The following UNC5C variants were observed in gnomAD, a reference collection of about 807,000 sequenced individuals.
UNC5C encodes the protein unc-5 netrin receptor C.
A neutral mutation model predicts 99.8 loss-of-function variants in UNC5C; 47 were observed. That is an observed-to-expected ratio of 0.47 (90% CI 0.37 to 0.60). The LOEUF (loss-of-function observed/expected upper bound fraction) is 0.60. UNC5C is among the 20% of genes least tolerant of loss of function. The pLI, the probability that UNC5C is intolerant of heterozygous loss-of-function variation, is 0.00. For synonymous variants in UNC5C, 487 were observed against 452.2 expected, an observed-to-expected ratio of 1.08 and a Z score of -0.98; for missense variants, 1,062 against 1,165.9, an observed-to-expected ratio of 0.91 and a Z score of 1.30.
At chr4:95,544,767 CTAAAAAAAT>C (rs1426777242) in intron 1 of UNC5C, among the ~76,000 whole-genome samples, 1 of 152,132 alleles carries the variant, frequency 6.6e-6, no homozygotes, top group Non-Finnish European at 1.5e-5. Flanking sequence ...AAAAGTCAAA[CTAAAAAAAT>C]ATGTAGGCTA....
At chr4:95,180,681 C>T (rs1340588799) in intron 14 of UNC5C, among the ~76,000 whole-genome samples, 1 of 152,150 alleles carries the variant, frequency 6.6e-6, no homozygotes, top group Non-Finnish European at 1.5e-5. Context: ...ACAGGACAGG[C>T]CAAGGGCTGT....
chr4:95,418,212 C>A (rs1195022240), intron 1 of UNC5C, among the ~76,000 whole-genome samples: 1 of 152,252 alleles, frequency 6.6e-6, no homozygotes, highest in Non-Finnish European at 1.5e-5. Flanking sequence ...CATATTTTCA[C>A]AGCCTTAGTC....
At chr4:95,465,842 C>T (rs6846085) in intron 1 of UNC5C, among the ~76,000 whole-genome samples, 56,617 of 151,938 alleles carry the variant, frequency 0.37, 11,124 homozygotes, top group Admixed American at 0.44. Context: ...TGACCTTTCT[C>T]CTTTCTGCAC....
intron 11 of UNC5C, 69 bp downstream of exon 11, chr4:95,206,559 C>A: frequency 6.3e-7 from 1 of 1,597,242 alleles, no homozygotes; most frequent in Non-Finnish European, 8.5e-7. Flanking sequence ...TAAAAGGCCT[C>A]CCATAATTGC....
At chr4:95,301,962 A>G (rs1181328907) in intron 2 of UNC5C, among the ~76,000 whole-genome samples, 1 of 152,102 alleles carries the variant, frequency 6.6e-6, no homozygotes, top group Non-Finnish European at 1.5e-5. Flanking sequence ...CATCTTCTGG[A>G]TTATTCTGAG....
At chr4:95,258,743 A>AC (rs1184674099) in intron 4 of UNC5C, among the ~76,000 whole-genome samples, 1 of 85,868 alleles carries the variant, frequency 1.2e-5, no homozygotes, top group Non-Finnish European at 2.5e-5. Context: ...CGACCATCTT[A>AC]TTCTTTTTTT....
intron 12 of UNC5C, among the ~76,000 whole-genome samples, chr4:95,187,524 A>G (rs1189840205): frequency 6.6e-6 from 1 of 152,240 alleles, no homozygotes; most frequent in African/African-American, 2.4e-5. Flanking sequence ...AGGACATTGA[A>G]AAAAACCCAA....
intron 1 of UNC5C, among the ~76,000 whole-genome samples, chr4:95,435,175 C>A (rs1050186427): frequency 6.6e-6 from 1 of 152,050 alleles, no homozygotes; most frequent in Non-Finnish European, 1.5e-5. Flanking sequence ...GTGGCCCTCC[C>A]AATTCTGATA....
chr4:95,263,029 G>A (rs1740304325), intron 4 of UNC5C, among the ~76,000 whole-genome samples: 1 of 151,966 alleles, frequency 6.6e-6, no homozygotes. Context: ...TGGTCAGGCT[G>A]GTCTCGAACT....
chr4:95,292,232 CACACATAT>C (rs1426908607), intron 3 of UNC5C, among the ~76,000 whole-genome samples: 16 of 80,540 alleles, frequency 2.0e-4, no homozygotes, highest in African/African-American at 8.8e-4. Flanking sequence ...CACACACACA[CACACATAT>C]ATATATATAT....
Position 95,219,971 on chromosome 4 carries a change from G to C in UNC5C, c.1300+14C>G. On this transcript the variant is annotated intron_variant, in intron 8 of 15. Coordinates refer to ENST00000453304, the MANE Select transcript of UNC5C (RefSeq NM_003728.4). The stretch of plus-strand genomic sequence containing the variant: ...TGCATAAGTAACAGGGTGTGAAGTG[G>C]AATGTCAACTGACCTTGTCTTGCTG... The C allele has an allele frequency of 6.2e-7, 1 of 1,610,508 alleles. No homozygotes were observed. Among genetic ancestry groups the C allele is most frequent in the Middle Eastern group, 1.7e-4 (1 of 6,022 alleles).
At chr4:95,505,888 G>A (rs1721905629) in intron 1 of UNC5C, among the ~76,000 whole-genome samples, 1 of 151,994 alleles carries the variant, frequency 6.6e-6, no homozygotes, top group Admixed American at 6.6e-5. Flanking sequence ...TGTCTTTGAG[G>A]AAGACCAAGA....
chr4:95,256,703 T>C (rs879624885), intron 4 of UNC5C, among the ~76,000 whole-genome samples: 1 of 140,716 alleles, frequency 7.1e-6, no homozygotes, highest in Admixed American at 7.3e-5. Flanking sequence ...TAAATAAATA[T>C]ATATATATAT....
chr4:95,412,785 C>T (rs1433834246), intron 1 of UNC5C, among the ~76,000 whole-genome samples: 5 of 152,058 alleles, frequency 3.3e-5, no homozygotes, highest in Non-Finnish European at 7.4e-5. Flanking sequence ...TTTTTGGGTT[C>T]CCGCTGTCAA....
intron 1 of UNC5C, among the ~76,000 whole-genome samples, chr4:95,492,840 G>T (rs1263711159): frequency 6.6e-6 from 1 of 151,352 alleles, no homozygotes; most frequent in Non-Finnish European, 1.5e-5. Context: ...TGCTTTATTT[G>T]ATGTCATTTT....
chr4:95,179,973 G>GAA (rs1266723210), intron 14 of UNC5C, among the ~76,000 whole-genome samples: 1 of 149,780 alleles, frequency 6.7e-6, no homozygotes, highest in Admixed American at 6.9e-5. Context: ...ATTGATGATA[G>GAA]AAAGAAAATC....
At chr4:95,536,084 T>A (rs560611956) in intron 1 of UNC5C, among the ~76,000 whole-genome samples, 3,422 of 113,716 alleles carry the variant, frequency 0.03, 62 homozygotes, top group Non-Finnish European at 0.04. Context: ...ATATATATAT[T>A]TTTTTTTTTT....
intron 1 of UNC5C, among the ~76,000 whole-genome samples, chr4:95,444,456 C>T (rs1747037880): frequency 1.3e-5 from 2 of 152,138 alleles, no homozygotes; most frequent in South Asian, 4.2e-4. Flanking sequence ...CTCAGCCTCC[C>T]GAGTAGCTGG....
At chr4:95,262,347 T>C (rs1426604019) in intron 4 of UNC5C, among the ~76,000 whole-genome samples, 1 of 152,208 alleles carries the variant, frequency 6.6e-6, no homozygotes, top group Non-Finnish European at 1.5e-5. Flanking sequence ...CGTGCAGAGT[T>C]GAGGGACACT....
Sources: allele counts gnomAD v4.1 joint callset (sites outside exome capture counted in the v4.1 genomes callset), GRCh38; gene constraint gnomAD v4.1.1; transcripts MANE v1.5; gene names NCBI Gene and HGNC (gene_info 2026-07-23, HGNC 2026-07-21).